NAV3: variants seen among roughly 807,000 people sequenced by gnomAD.
NAV3 encodes pore membrane and/or filament interacting like protein 1.
NAV3 carries 87 observed loss-of-function variants against 244.7 expected under a neutral mutation model. The ratio of observed to expected loss-of-function variants is 0.36; its 90% confidence interval spans 0.30 to 0.42. The LOEUF (loss-of-function observed/expected upper bound fraction) is 0.42, where lower values mean the gene tolerates loss of function less well. Ranked by LOEUF, NAV3 falls within the 20% of genes least tolerant of loss-of-function variation. The pLI is 1.00. For missense variants in NAV3, 2,663 were observed against 2,893.3 expected (o/e 0.92, Z 1.83); for synonymous variants, 1,126 against 1,042.2 (o/e 1.08, Z -1.55).
chr12:78,185,417 G>T (rs934005273), intron 30 of NAV3, among the ~76,000 whole-genome samples, 184 bp from the exon 31 acceptor site: 6 of 151,748 alleles, frequency 4.0e-5, no homozygotes, highest in Non-Finnish European at 7.4e-5. Flanking sequence ...TTCTTAGATT[G>T]AAACTTTAGC....
chr12:77,607,332 A>G (rs1870714645), intron 2 of NAV3, among the ~76,000 whole-genome samples: 1 of 152,056 alleles, frequency 6.6e-6, no homozygotes, highest in African/African-American at 2.4e-5. Context: ...CCCTTAACTC[A>G]ATGAGGAATT....
rs1373094189 is a variant in NAV3, at chr12:78,116,868, C to T, written c.2733C>T (p.Tyr911=). ...ACACCACATCCTCTGTCAGCTCTTA[C>T]TCCAACATCACCGTCCCCTCTAGGA... The part of the protein sequence containing the change: ...DLNTTSSVSS[Y]SNITVPSRKN... Residue 911 remains tyrosine, a synonymous_variant, in exon 13 of 40, where the codon TAC becomes TAT. Transcript: ENST00000397909. The T allele has an allele frequency of 6.2e-7, 1 of 1,613,338 alleles. No individual in the cohort carries two copies. Among genetic ancestry groups the T allele is most frequent in the African/African-American group, 1.3e-5 (1 of 74,878 alleles).
chr12:77,981,511 A>G (rs1232485258), intron 5 of NAV3, among the ~76,000 whole-genome samples: 2 of 152,104 alleles, frequency 1.3e-5, no homozygotes, highest in Non-Finnish European at 2.9e-5. Context: ...AAAAACCCTT[A>G]GTGAATGTAT....
intron 2 of NAV3, among the ~76,000 whole-genome samples, chr12:77,723,631 C>T (rs1400985663): frequency 6.6e-6 from 1 of 151,862 alleles, no homozygotes; most frequent in East Asian, 1.9e-4. Context: ...GCAGAGCCAA[C>T]CTTGTTTGCT....
rs114399255 is a variant in NAV3 at position 78,107,203 on chromosome 12, G to C, written c.2637-9569G>C. Among the ~76,000 whole-genome samples the C allele has an allele frequency of 7.0e-3, 1,061 of 152,220 alleles. 10 individuals carry two copies. The highest frequency in any genetic ancestry group is 0.024 in the African/African-American group (990 of 41,546). Reference sequence around the variant, plus strand: ...CAGGTCTTCTGAAATAATCTAGTCAGACAAAATTAAAAGAGAATAATCAAA... The same window carrying C: ...CAGGTCTTCTGAAATAATCTAGTCACACAAAATTAAAAGAGAATAATCAAA... On this transcript the variant is annotated intron_variant, in intron 12 of 39. Transcript: ENST00000397909.
intron 2 of NAV3, among the ~76,000 whole-genome samples, chr12:77,789,867 CAA>C (rs34514171): frequency 7.0e-6 from 1 of 143,878 alleles, no homozygotes; most frequent in African/African-American, 2.6e-5. Flanking sequence ...AAAAAATTCA[CAA>C]AAAAAGTCTC....
At chr12:77,634,633 C>A (rs1407729271) in intron 2 of NAV3, among the ~76,000 whole-genome samples, 1 of 152,040 alleles carries the variant, frequency 6.6e-6, no homozygotes, top group Non-Finnish European at 1.5e-5. Flanking sequence ...AATTTTAGAA[C>A]AGGTGTCGCC....
At chr12:77,989,168 C>T (rs537540380) in intron 5 of NAV3, among the ~76,000 whole-genome samples, 15 of 152,180 alleles carry the variant, frequency 9.9e-5, no homozygotes, top group East Asian at 1.9e-4. Context: ...ACATTGCAAA[C>T]GTTCAACTAA....
intron 1 of NAV3, among the ~76,000 whole-genome samples, chr12:77,903,495 A>C (rs1429298289): frequency 6.6e-6 from 1 of 152,188 alleles, no homozygotes; most frequent in Non-Finnish European, 1.5e-5. Flanking sequence ...AAATTAATTC[A>C]AGATGGATTA....
At chr12:77,956,412 A>G (rs1487903484) in intron 3 of NAV3, among the ~76,000 whole-genome samples, 2 of 152,204 alleles carry the variant, frequency 1.3e-5, no homozygotes, top group Admixed American at 6.5e-5. Flanking sequence ...GGCAACAGCA[A>G]TATCTAGCAC....
intron 2 of NAV3, among the ~76,000 whole-genome samples, chr12:77,774,224 G>C (rs1009521846): frequency 2.6e-5 from 4 of 152,116 alleles, no homozygotes; most frequent in South Asian, 2.1e-4. Context: ...TATTCAGTTG[G>C]TTATACTCTC....
intron 9 of NAV3, among the ~76,000 whole-genome samples, chr12:78,044,579 C>T (rs1418349809): frequency 1.3e-5 from 2 of 151,992 alleles, no homozygotes; most frequent in African/African-American, 2.4e-5. Flanking sequence ...AATGTTTTTT[C>T]GTTTGTTTGT....
At chr12:77,781,516 C>G (rs563387013) in intron 2 of NAV3, among the ~76,000 whole-genome samples, 6 of 152,278 alleles carry the variant, frequency 3.9e-5, no homozygotes, top group South Asian at 4.1e-4. Flanking sequence ...CTCCCCACCC[C>G]CTGCTTTGAG....
At chr12:77,902,854 C>A (rs1325417021) in intron 1 of NAV3, among the ~76,000 whole-genome samples, 2 of 152,052 alleles carry the variant, frequency 1.3e-5, no homozygotes, top group Non-Finnish European at 1.5e-5. Context: ...CAATAGCAGA[C>A]AAACAGAGAG....
At chr12:77,606,261 C>A (rs1244233955) in intron 2 of NAV3, among the ~76,000 whole-genome samples, 1 of 152,068 alleles carries the variant, frequency 6.6e-6, no homozygotes, top group African/African-American at 2.4e-5. Flanking sequence ...TTAGTGTTTG[C>A]CATTTAAGCC....
rs1419351515 is a variant in NAV3 at position 78,131,303 on chromosome 12, A to G, written c.4441+2437A>G. Among the ~76,000 whole-genome samples, 3 of 152,334 alleles carry G rather than the reference A, an allele frequency of 2.0e-5. 1 individual carries two copies. Among genetic ancestry groups the G allele is most frequent in the South Asian group, 4.1e-4 (2 of 4,830 alleles). On this transcript the variant is annotated intron_variant, in intron 18 of 39. Transcript: ENST00000397909. ...TGGTTTCATATAAGCTAATGATTTCATATCAAACACCAAGTTTTTGTTTCC... is the reference window on the plus strand; with the variant it reads ...TGGTTTCATATAAGCTAATGATTTCGTATCAAACACCAAGTTTTTGTTTCC...
At chr12:78,111,430 A>G (rs751336278) in intron 12 of NAV3, among the ~76,000 whole-genome samples, 1 of 152,096 alleles carries the variant, frequency 6.6e-6, no homozygotes, top group Non-Finnish European at 1.5e-5. Flanking sequence ...TATTAAGACA[A>G]CCCAATAAAA....
intron 2 of NAV3, among the ~76,000 whole-genome samples, chr12:77,677,269 C>G (rs570477992): frequency 1.3e-5 from 2 of 152,274 alleles, no homozygotes; most frequent in Non-Finnish European, 2.9e-5. Flanking sequence ...ATGAAATGGT[C>G]TCAGTTTATA....
rs1955597389 is a variant in NAV3 at position 78,119,928 on chromosome 12, C to G, written c.3732C>G (p.Ala1244=). 6.2e-7 allele frequency: 1 copy of G among 1,611,880 alleles called. No individual in the cohort carries two copies. Among genetic ancestry groups the G allele is most frequent in the African/African-American group, 1.3e-5 (1 of 74,754 alleles). The change falls in exon 15 of 40, where the codon GCC becomes GCG. Residue 1244 remains alanine (A), a synonymous_variant. Transcript: ENST00000397909. ...RQPGSKYPDI[A]SPTFRRLFGA... ...CAGGATCCAAGTATCCAGATATTGCCTCACCCACATTTCGAAGGTAAGGAT... is the reference window on the plus strand; with the variant it reads ...CAGGATCCAAGTATCCAGATATTGCGTCACCCACATTTCGAAGGTAAGGAT...
Sources: allele counts gnomAD v4.1 joint callset (sites outside exome capture counted in the v4.1 genomes callset), GRCh38; gene constraint gnomAD v4.1.1; transcripts MANE v1.5; gene names NCBI Gene and HGNC (gene_info 2026-07-23, HGNC 2026-07-21).